Variants in PBX1 observed in about 807,000 individuals in gnomAD.
PBX1 encodes the protein PBX homeobox 1.
In PBX1, 6 loss-of-function variants were observed where a neutral mutation model predicts 53.4. The ratio of observed to expected loss-of-function variants is 0.11; its 90% CI spans 0.06 to 0.22. The LOEUF (loss-of-function observed/expected upper bound fraction) is 0.22. Among genes scored for constraint, PBX1 ranks in the 10% least tolerant of loss-of-function variants. The pLI, the probability that PBX1 is intolerant of heterozygous loss-of-function variation, is 1.00. For synonymous variants in PBX1, 204 were observed against 212.3 expected (o/e 0.96, Z 0.34); for missense variants, 251 against 551.4 (o/e 0.46, Z 5.46).
At chr1:164,711,106 A>G (rs1043117620) in intron 2 of PBX1, among the ~76,000 whole-genome samples, 1 of 152,138 alleles carries the variant, frequency 6.6e-6, no homozygotes, top group African/African-American at 2.4e-5. Flanking sequence ...GTTTATGGTA[A>G]CATTTGAGGG....
chr1:164,811,657 A>C (rs2102344883), intron 5 of PBX1, among the ~76,000 whole-genome samples: 1 of 152,330 alleles, frequency 6.6e-6, no homozygotes, highest in East Asian at 1.9e-4. Context: ...AATGTTAGGT[A>C]TATTTTAGTG....
At chr1:164,856,464 A>G (rs565983329), downstream of PBX1, among the ~76,000 whole-genome samples, 4 of 152,152 alleles carry the variant, frequency 2.6e-5, no homozygotes, top group East Asian at 7.7e-4. Flanking sequence ...ACTTCTCTAA[A>G]TTATATTTTT....
chr1:164,847,117 C>T lies in PBX1; in HGVS notation c.*441C>T. 1 of 1,100,110 alleles carries T rather than the reference C, an allele frequency of 9.1e-7. No homozygotes were observed. Among genetic ancestry groups the T allele is most frequent in the Non-Finnish European group, 1.1e-6 (1 of 897,990 alleles). The allele number at this position is 1,100,110 out of a possible 1,614,324, so 68.1% of individuals were successfully genotyped here. A position where few individuals can be genotyped will look rare whatever the true frequency, so the allele number is the denominator to read the frequency against. On this transcript the variant is annotated 3_prime_UTR_variant, in exon 9 of 9. Transcript: ENST00000420696. The stretch of plus-strand genomic sequence containing the variant: ...CCAAATTTACCTCACTCGAATCCCT[C>T]ACTCCCTATGTTAACAGGCAATCCT...
rs553710899 is a variant in PBX1, at chr1:164,742,564, G to A, written c.266-49930G>A. On this transcript the variant is annotated intron_variant, in intron 2 of 8. Transcript: ENST00000420696. ...CTCAAAAAAAAGGATCACAAAACTT[G>A]GTTTTCAGTACAGTAGTAGATCCAT... Among the ~76,000 whole-genome samples, 4 of 152,144 alleles carry A rather than the reference G, an allele frequency of 2.6e-5. No individual in the cohort carries two copies. In the East Asian group the frequency reaches 7.7e-4, roughly 29 times the overall value.
At chr1:164,628,866 C>G (rs1334402150) in intron 2 of PBX1, among the ~76,000 whole-genome samples, 1 of 152,132 alleles carries the variant, frequency 6.6e-6, no homozygotes, top group African/African-American at 2.4e-5. Flanking sequence ...TTACAGCACC[C>G]CTTACACCGT....
intron 2 of PBX1, chr1:164,703,397 T>TA (rs35058411): frequency 0.23 from 34,837 of 152,198 alleles, 4,254 homozygotes; most frequent in East Asian, 0.45. Context: ...GATGGTGCTG[T>TA]AGCATTGTGA....
intron 2 of PBX1, among the ~76,000 whole-genome samples, chr1:164,786,718 T>TGTGTGTGTGTGTGTGTGTGTGTGCGC (rs1391268022): frequency 3.0e-5 from 3 of 100,052 alleles, no homozygotes; most frequent in African/African-American, 1.3e-4. Flanking sequence ...TGTGTGTGTG[T>TGTGTGTGTGTGTGTGTGTGTGTGCGC]GTGCGCGCGC....
rs749671886 is a variant in PBX1 at position 164,847,501 on chromosome 1, A to G, written c.*825A>G. ...TTTGGAGACCATTCAGCACTGAGAA[A>G]GCAATATTTAGAACCTATTGCAAAA... On this transcript the variant is annotated 3_prime_UTR_variant, in exon 9 of 9. Transcript: ENST00000420696. 2.8e-6 allele frequency: 3 copies of G among 1,062,074 alleles called. No individual in the cohort carries two copies. The highest frequency in any genetic ancestry group is 3.4e-6 in the Non-Finnish European group (3 of 877,212). 65.8% of individuals were successfully genotyped at this position (1,062,074 alleles called of 1,614,324 possible).
chr1:164,601,282 T>C (rs960083096), intron 2 of PBX1, among the ~76,000 whole-genome samples: 1 of 147,108 alleles, frequency 6.8e-6, no homozygotes, highest in Non-Finnish European at 1.5e-5. Flanking sequence ...GAGGTGAACT[T>C]AACCTGAGAT....
chr1:164,700,555 C>G (rs540407411), intron 2 of PBX1: 54 of 985,260 alleles, frequency 5.5e-5, no homozygotes, highest in East Asian at 3.4e-4. Context: ...TGGCTTTGCT[C>G]TAGGTTGGGG....
At chr1:164,648,698 T>C (rs191148992) in intron 2 of PBX1, among the ~76,000 whole-genome samples, 2 of 152,214 alleles carry the variant, frequency 1.3e-5, no homozygotes, top group African/African-American at 4.8e-5. Flanking sequence ...ACTTGTTGAT[T>C]TGTCAGCTGC....
In PBX1 at chr1:164,848,563, G is replaced by A; in HGVS notation, c.*1887G>A. The A allele has an allele frequency of 4.7e-6, 5 of 1,059,730 alleles. No homozygotes were observed. The highest frequency in any genetic ancestry group is 5.7e-6 in the Non-Finnish European group (5 of 875,896). 65.6% of individuals were successfully genotyped at this position (1,059,730 alleles called of 1,614,324 possible). A position where few individuals can be genotyped will look rare whatever the true frequency, so the allele number is the denominator to read the frequency against. ...AGTACCTTGATGTCATCACCGTGAT[G>A]ACAAAGAGAAGAGTTATTGTTGATC... On this transcript the variant is annotated 3_prime_UTR_variant, in exon 9 of 9. Coordinates refer to ENST00000420696, the MANE Select transcript of PBX1 (RefSeq NM_002585.4).
chr1:164,849,372 T>C lies in PBX1; in HGVS notation c.*2696T>C. The C allele has an allele frequency of 1.0e-5, 16 of 1,535,650 alleles. No individual in the cohort carries two copies. Among genetic ancestry groups the C allele is most frequent in the Non-Finnish European group, 1.4e-5 (16 of 1,146,796 alleles). ...CCCGGCACCCCCGGCAAGCCCACTA[T>C]CACTTCCGACTTCCAACGTGGCATC... On this transcript the variant is annotated 3_prime_UTR_variant, in exon 9 of 9. Coordinates refer to ENST00000420696, the MANE Select transcript of PBX1 (RefSeq NM_002585.4).
In PBX1 at chr1:164,776,972, A is replaced by AT. The variant is rs1295466628; in HGVS notation, c.266-15522_266-15521insT. 8.8e-3 allele frequency among the ~76,000 whole-genome samples: 745 copies of AT among 84,584 alleles called. 87 individuals are homozygous for AT. Among genetic ancestry groups the AT allele is most frequent in the African/African-American group, 0.042 (708 of 16,922 alleles). 55.5% of individuals were successfully genotyped at this position (84,584 alleles called of 152,430 possible). A position where few individuals can be genotyped will look rare whatever the true frequency, so the allele number is the denominator to read the frequency against. On this transcript the variant is annotated intron_variant, in intron 2 of 8. Transcript: ENST00000420696. ...GAGAGAGAGAGAGAGAGAGAGAGAGAGAGAGAGGAGGTGTGGGGGGGCGGG... is the reference window on the plus strand; with the variant it reads ...GAGAGAGAGAGAGAGAGAGAGAGAGATGAGAGAGGAGGTGTGGGGGGGCGGG...
chr1:164,603,928 C>CTTTTTTTTT (rs1557885817), intron 2 of PBX1, among the ~76,000 whole-genome samples: 8 of 48,726 alleles, frequency 1.6e-4, no homozygotes, highest in Non-Finnish European at 2.2e-4. Flanking sequence ...TATGTCATTT[C>CTTTTTTTTT]ATTTTTTTTT....
chr1:164,762,138 A>G (rs910679331), intron 2 of PBX1, among the ~76,000 whole-genome samples: 1 of 152,136 alleles, frequency 6.6e-6, no homozygotes, highest in African/African-American at 2.4e-5. Context: ...GCCCTTGTAA[A>G]GTTAAATAGA....
intron 8 of PBX1, among the ~76,000 whole-genome samples, chr1:164,826,909 A>G (rs1054881565): frequency 1.1e-4 from 17 of 152,230 alleles, no homozygotes; most frequent in African/African-American, 3.9e-4. Flanking sequence ...TTGCTTTGTA[A>G]TCATTATAGT....
At chr1:164,832,194 A>G (rs1287343262) in intron 8 of PBX1, among the ~76,000 whole-genome samples, 1 of 152,174 alleles carries the variant, frequency 6.6e-6, no homozygotes, top group Non-Finnish European at 1.5e-5. Context: ...GGAATTGACA[A>G]GAACCTTATA....
intron 8 of PBX1, among the ~76,000 whole-genome samples, chr1:164,840,808 G>A (rs1671252569): frequency 6.6e-6 from 1 of 152,184 alleles, no homozygotes; most frequent in South Asian, 2.1e-4. Flanking sequence ...AAACTTGGCA[G>A]TGCTTCTGCT....
Sources: gnomAD v4.1 joint callset for allele counts (sites outside exome capture counted in the v4.1 genomes callset) on GRCh38, gnomAD v4.1.1 for gene constraint, MANE v1.5 for transcripts, NCBI Gene and HGNC (gene_info 2026-07-23, HGNC 2026-07-21) for gene names.